ITGA11: variants seen among roughly 807,000 people sequenced by gnomAD.
ITGA11 encodes integrin alpha-11.
Under a neutral mutation model 141.9 loss-of-function variants are expected in ITGA11, and 97 were observed. The observed-to-expected ratio is 0.68, with a 90% confidence interval of 0.58 to 0.81. The LOEUF is 0.81. ITGA11 is among the 30% of genes least tolerant of loss of function. The pLI, the probability that ITGA11 is intolerant of heterozygous loss-of-function variation, is 0.00. For missense variants in ITGA11, 1,387 were observed against 1,559.2 expected (o/e 0.89, Z 1.86); for synonymous variants, 658 against 624.6 (o/e 1.05, Z -0.80).
In ITGA11 at chr15:68,339,580, C is replaced by T; in HGVS notation, c.1196G>A (p.Ser399Asn). The change falls in exon 11 of 30, where the codon AGT becomes AAT. Residue 399 changes from serine to asparagine, a missense_variant. Physicochemically the swap from Ser to Asn is conservative, Grantham distance 46 (BLOSUM62 1). Coordinates refer to ENST00000315757, the MANE Select transcript of ITGA11 (RefSeq NM_001004439.2). ...GCGGAGAGGAATGACCTTCCCGGCA[C>T]TCGTCTCCTTTAGCACAGCTCCATT... is the stretch of plus-strand genomic sequence containing the variant. The part of the protein sequence containing the change: ...DWNGAVLKET[S>N]AGKVIPLRES... The T allele has an allele frequency of 6.2e-7, 1 of 1,614,050 alleles. No homozygotes were observed. Among genetic ancestry groups the T allele is most frequent in the East Asian group, 2.2e-5 (1 of 44,882 alleles).
intron 4 of ITGA11, among the ~76,000 whole-genome samples, chr15:68,363,884 C>A (rs543102583): frequency 6.6e-6 from 1 of 152,328 alleles, no homozygotes; most frequent in East Asian, 1.9e-4. Context: ...AGAACAGAGA[C>A]CTGTAAGCAG....
intron 1 of ITGA11, among the ~76,000 whole-genome samples, chr15:68,427,027 A>G (rs1462118821): frequency 6.6e-6 from 1 of 150,668 alleles, no homozygotes; most frequent in Non-Finnish European, 1.5e-5. Context: ...AAAAAAAAAA[A>G]AAAAAAAAAA....
chr15:68,414,248 T>C (rs2140428122), intron 1 of ITGA11, among the ~76,000 whole-genome samples: 1 of 152,314 alleles, frequency 6.6e-6, no homozygotes, highest in Middle Eastern at 3.4e-3. Flanking sequence ...CTTTGAGGCA[T>C]GACTGTGGCC....
chr15:68,368,356 G>A (rs541165585), intron 3 of ITGA11, among the ~76,000 whole-genome samples: 1 of 152,362 alleles, frequency 6.6e-6, no homozygotes, highest in South Asian at 2.1e-4. Flanking sequence ...TGAGAGCAGA[G>A]CAAGCAATGA....
intron 3 of ITGA11, 60 bp downstream of exon 3, chr15:68,369,124 G>T: frequency 8.1e-7 from 1 of 1,232,610 alleles, no homozygotes; most frequent in South Asian, 1.2e-5. Context: ...GTGCATCAGA[G>T]CCTGCCTTGT....
chr15:68,404,052 C>T (rs547980146), intron 1 of ITGA11, among the ~76,000 whole-genome samples: 1 of 152,314 alleles, frequency 6.6e-6, no homozygotes, highest in African/African-American at 2.4e-5. Context: ...TTCTCCATCA[C>T]TCCTTCCTCC....
At chr15:68,421,884 A>G (rs1033669802) in intron 1 of ITGA11, among the ~76,000 whole-genome samples, 3 of 152,314 alleles carry the variant, frequency 2.0e-5, no homozygotes, top group Admixed American at 2.0e-4. Flanking sequence ...GGACATGTTC[A>G]GGACGATGGT....
rs372802474 is a variant in ITGA11 at position 68,332,488 on chromosome 15, G to A, written c.1426-10C>T. 4.8e-5 allele frequency: 77 copies of A among 1,611,328 alleles called. No individual in the cohort carries two copies. Among genetic ancestry groups the A allele is most frequent in the Non-Finnish European group, 6.1e-5 (72 of 1,178,842 alleles). On this transcript the variant is annotated splice_polypyrimidine_tract_variant and intron_variant, in intron 12 of 29. Transcript: ENST00000315757. ...CAAAGTAAGAGCCTATCTGCGGCAC[G>A]TGATGGGAGAGAGGAGTGGGCTGGC...
In ITGA11 at chr15:68,364,938, G is replaced by A. The variant is rs531185413; in HGVS notation, c.266-140C>T. The A allele has an allele frequency of 5.5e-6, 5 of 904,904 alleles. No individual in the cohort carries two copies. In the African/African-American group the frequency reaches 8.3e-5, roughly 15 times the overall value. The allele number at this position is 904,904 out of a possible 1,614,324, so 56.1% of individuals were successfully genotyped here. A position where few individuals can be genotyped will look rare whatever the true frequency, so the allele number is the denominator to read the frequency against. The stretch of plus-strand genomic sequence containing the variant: ...CCTCTGGCTCTCAGGGTTTACAAAG[G>A]CCTTCCCCAGACGTACTCTCAGGAC... On this transcript the variant is annotated intron_variant, in intron 3 of 29. Transcript: ENST00000315757.
At position 68,322,105 on chromosome 15, in the gene ITGA11, G is replaced by T. The variant is rs948015310; in HGVS notation, c.2323-602C>A. On this transcript the variant is annotated intron_variant, in intron 18 of 29. Coordinates refer to ENST00000315757, the MANE Select transcript of ITGA11 (RefSeq NM_001004439.2). The surrounding 1 kb of genome is among the most constrained non-coding windows in gnomAD (Gnocchi z 5.6). Reference sequence around the variant, plus strand: ...GGAGGAAGGACGGCCTGATGCAGGGGCCCTGGGGCAGGAGCGGGACGGTGA... The same window carrying T: ...GGAGGAAGGACGGCCTGATGCAGGGTCCCTGGGGCAGGAGCGGGACGGTGA... Among the ~76,000 whole-genome samples, 1 of 152,202 alleles carries T rather than the reference G, an allele frequency of 6.6e-6. No individual in the cohort carries two copies. Among genetic ancestry groups the T allele is most frequent in the African/African-American group, 2.4e-5 (1 of 41,436 alleles).
rs774273789 is a variant in ITGA11, at chr15:68,304,942, G to A, written c.3382-1057C>T. Reference sequence around the variant, plus strand: ...TCCTCTGGAGACTACAGCGCTGCCCGACTGCCTCCCCTCTGCAGTTTGTTC... The same window carrying A: ...TCCTCTGGAGACTACAGCGCTGCCCAACTGCCTCCCCTCTGCAGTTTGTTC... On this transcript the variant is annotated intron_variant, in intron 28 of 29. Transcript: ENST00000315757. The surrounding 1 kb of genome is among the most constrained non-coding windows in gnomAD (Gnocchi z 6.1). 1.3e-5 allele frequency among the ~76,000 whole-genome samples: 2 copies of A among 152,218 alleles called. No individual in the cohort carries two copies. Among genetic ancestry groups the A allele is most frequent in the Non-Finnish European group, 2.9e-5 (2 of 68,044 alleles).
chr15:68,363,853 C>G (rs1018020356), intron 4 of ITGA11, among the ~76,000 whole-genome samples: 2 of 152,198 alleles, frequency 1.3e-5, no homozygotes, highest in Non-Finnish European at 2.9e-5. Flanking sequence ...GTGCAGAGTC[C>G]ATATGTGCTC....
At chr15:68,374,565 C>T (rs1231232903) in intron 2 of ITGA11, among the ~76,000 whole-genome samples, 1 of 152,214 alleles carries the variant, frequency 6.6e-6, no homozygotes, top group Non-Finnish European at 1.5e-5. Flanking sequence ...AGCCTAGAGG[C>T]AAGGGCTGGG....
At chr15:68,351,187 G>C (rs1323934006) in intron 8 of ITGA11, 71 bp downstream of exon 8, 1 of 1,537,162 alleles carries the variant, frequency 6.5e-7, no homozygotes, top group Non-Finnish European at 8.9e-7. Flanking sequence ...CTAGTCCCTT[G>C]GAGTCCCCAG....
chr15:68,406,933 T>G (rs1032101994), intron 1 of ITGA11, among the ~76,000 whole-genome samples: 5 of 152,156 alleles, frequency 3.3e-5, no homozygotes, highest in African/African-American at 1.2e-4. Context: ...TCTGGGAGAT[T>G]AAATAGTTTC....
At chr15:68,331,758 C>G in intron 14 of ITGA11, 101 bp downstream of exon 14, 1 of 1,045,832 alleles carries the variant, frequency 9.6e-7, no homozygotes, top group East Asian at 2.6e-5. Context: ...GTGAGAGGGC[C>G]TGGAAGAAAA....
chr15:68,392,145 T>C (rs1020444882), intron 2 of ITGA11, among the ~76,000 whole-genome samples: 4 of 152,156 alleles, frequency 2.6e-5, no homozygotes, highest in African/African-American at 7.2e-5. Context: ...AAACACAGAA[T>C]TCTATGGGGG....
chr15:68,323,077 C>G lies in ITGA11; in HGVS notation c.2323-1574G>C, dbSNP rs547725345. Among the ~76,000 whole-genome samples, 229 of 152,286 alleles carry G rather than the reference C, an allele frequency of 1.5e-3. 1 individual carries two copies. Among genetic ancestry groups the G allele is most frequent in the Non-Finnish European group, 2.5e-3 (170 of 68,016 alleles). On this transcript the variant is annotated intron_variant, in intron 18 of 29. Coordinates refer to ENST00000315757, the MANE Select transcript of ITGA11 (RefSeq NM_001004439.2). ...GTCATGTGTATCTTAAATTCATTAA[C>G]TTTTCTCGAAGGAGAGCTCTCTGGC...
At chr15:68,367,470 C>G (rs570125237) in intron 3 of ITGA11, among the ~76,000 whole-genome samples, 1 of 152,130 alleles carries the variant, frequency 6.6e-6, no homozygotes, top group Non-Finnish European at 1.5e-5. Context: ...CCACCTGTAA[C>G]CTTCTCAAAA....
Sources: allele counts gnomAD v4.1 joint callset (sites outside exome capture counted in the v4.1 genomes callset), GRCh38; gene constraint gnomAD v4.1.1; non-coding constraint Gnocchi (gnomAD v3.1); transcripts MANE v1.5; gene names NCBI Gene and HGNC (gene_info 2026-07-23, HGNC 2026-07-21).